SPTLC2: variants seen among roughly 807,000 people sequenced by gnomAD.
SPTLC2 encodes the protein serine palmitoyltransferase long chain base subunit 2.
Under a neutral mutation model 62.0 loss-of-function variants are expected in SPTLC2, and 21 were observed. The ratio of observed to expected loss-of-function variants is 0.34; its 90% CI spans 0.24 to 0.49. The LOEUF (loss-of-function observed/expected upper bound fraction) is 0.49, where lower values mean the gene tolerates loss of function less well. Among genes scored for constraint, SPTLC2 ranks in the 20% least tolerant of loss-of-function variants. The pLI is 0.99. For synonymous variants in SPTLC2, 261 were observed against 261.8 expected, an observed-to-expected ratio of 1.00 and a Z score of 0.03; for missense variants, 511 against 713.0, an observed-to-expected ratio of 0.72 and a Z score of 3.23.
intron 2 of SPTLC2, among the ~76,000 whole-genome samples, chr14:77,595,629 G>T (rs1255616905): frequency 1.3e-5 from 2 of 152,146 alleles, no homozygotes; most frequent in Non-Finnish European, 2.9e-5. Flanking sequence ...TTGAATCCAT[G>T]TATCTACTGA....
intron 5 of SPTLC2, among the ~76,000 whole-genome samples, chr14:77,569,462 A>C (rs984346321): frequency 9.9e-5 from 15 of 152,118 alleles, no homozygotes; most frequent in African/African-American, 3.4e-4. Context: ...CTTTAGAGTT[A>C]ATCTAGCTCA....
chr14:77,576,770 T>C lies in SPTLC2; in HGVS notation c.628A>G (p.Ile210Val), dbSNP rs761533653. 5 of 1,614,150 alleles carry C rather than the reference T, an allele frequency of 3.1e-6. No homozygotes were observed. The highest frequency in any genetic ancestry group is 4.2e-6 in the Non-Finnish European group (5 of 1,180,022). ...GCCAAATACAGCTTTCACTTACCAA[T>C]TTCCTGCCGAGTACTGCACACTCCA... ...GAGVCSTRQE[I>V]GNLDKHEELE... Residue 210 changes from isoleucine (I) to valine (V), a missense_variant, in exon 4 of 12, where the codon ATT (isoleucine) becomes GTT (valine). Ile to Val is a conservative substitution (Grantham distance 29). Transcript: ENST00000216484.
At chr14:77,536,119 T>C (rs1397515929) in intron 9 of SPTLC2, 1 of 363,092 alleles carries the variant, frequency 2.8e-6, no homozygotes, top group African/African-American at 2.2e-5. Flanking sequence ...AGAGCCTAGA[T>C]TTTGAAATGC....
At chr14:77,553,231 G>T (rs560139387) in intron 8 of SPTLC2, among the ~76,000 whole-genome samples, 1 of 152,000 alleles carries the variant, frequency 6.6e-6, no homozygotes, top group Non-Finnish European at 1.5e-5. Context: ...AAATTAGGGG[G>T]ACACAAATGT....
At chr14:77,555,794 T>C (rs1381304152) in intron 7 of SPTLC2, among the ~76,000 whole-genome samples, 3 of 152,056 alleles carry the variant, frequency 2.0e-5, no homozygotes, top group Non-Finnish European at 2.9e-5. Flanking sequence ...AATGTTTGTA[T>C]TTTTAGTAGA....
In SPTLC2 at chr14:77,597,895, G is replaced by A. The variant is rs142820123; in HGVS notation, c.133-515C>T. Reference sequence around the variant, plus strand: ...TCCCAGCACTTTGGGAGGCCGAGGCGGACGAATCACCTGAGGTTGGGAGTT... The same window carrying A: ...TCCCAGCACTTTGGGAGGCCGAGGCAGACGAATCACCTGAGGTTGGGAGTT... On this transcript the variant is annotated intron_variant, in intron 1 of 11. Transcript: ENST00000216484. 4.6e-3 allele frequency among the ~76,000 whole-genome samples: 701 copies of A among 151,600 alleles called. 4 individuals carry two copies. The highest frequency in any genetic ancestry group is 0.016 in the African/African-American group (660 of 41,344).
At chr14:77,546,502 A>T (rs1052280030) in intron 9 of SPTLC2, among the ~76,000 whole-genome samples, 1 of 152,164 alleles carries the variant, frequency 6.6e-6, no homozygotes, top group Non-Finnish European at 1.5e-5. Flanking sequence ...TGAGTGAAGG[A>T]GGAGGTTGTA....
chr14:77,512,453 G>C lies in SPTLC2; in HGVS notation c.1570-50C>G, dbSNP rs1275081925. 1.9e-6 allele frequency: 3 copies of C among 1,613,672 alleles called. No homozygotes were observed. In the African/African-American group the frequency reaches 4.0e-5, roughly 22 times the overall value. On this transcript the variant is annotated intron_variant, in intron 11 of 11. Transcript: ENST00000216484. ...GGTCTGTCAGAGCCAGTAGGATGCA[G>C]GCATGCCTGGTGTTTTACTTTGCTA...
At chr14:77,527,404 T>C (rs2079414576) in intron 9 of SPTLC2, among the ~76,000 whole-genome samples, 1 of 151,956 alleles carries the variant, frequency 6.6e-6, no homozygotes, top group South Asian at 2.1e-4. Context: ...GGATGGAGGG[T>C]AGAGGTTGAA....
chr14:77,536,266 C>T (rs531388718), intron 9 of SPTLC2, among the ~76,000 whole-genome samples: 8 of 141,452 alleles, frequency 5.7e-5, no homozygotes, highest in Non-Finnish European at 9.5e-5. Context: ...TGAATTGTAC[C>T]GAAAAATGAT....
chr14:77,561,819 A>G (rs905892660), intron 6 of SPTLC2, among the ~76,000 whole-genome samples: 20 of 152,226 alleles, frequency 1.3e-4, no homozygotes, highest in African/African-American at 3.6e-4. Context: ...ATTTTGGGAA[A>G]AGATGCTATT....
intron 2 of SPTLC2, among the ~76,000 whole-genome samples, chr14:77,589,695 C>T (rs187918040): frequency 1.3e-5 from 2 of 151,966 alleles, no homozygotes; most frequent in East Asian, 3.9e-4. Flanking sequence ...GAGACTGAGG[C>T]AGAAGAATCG....
chr14:77,542,062 G>A (rs1298913652), intron 9 of SPTLC2, among the ~76,000 whole-genome samples: 1 of 105,520 alleles, frequency 9.5e-6, no homozygotes, highest in Non-Finnish European at 1.9e-5. Context: ...CTCTGTGTCC[G>A]GAAAAAAAAA....
At chr14:77,545,891 C>G (rs1307674590) in intron 9 of SPTLC2, among the ~76,000 whole-genome samples, 1 of 152,118 alleles carries the variant, frequency 6.6e-6, no homozygotes. Context: ...AAAAAGATAG[C>G]AGTGGAATAA....
chr14:77,552,970 GT>G (rs2079563681), intron 8 of SPTLC2, among the ~76,000 whole-genome samples: 1 of 151,976 alleles, frequency 6.6e-6, no homozygotes, highest in East Asian at 1.9e-4. Context: ...CTAAATAACA[GT>G]TCTCTAACAT....
chr14:77,547,874 CTTTTTTTTTTTTTT>C (rs61406879), intron 9 of SPTLC2: 3 of 86,840 alleles, frequency 3.5e-5, no homozygotes, highest in South Asian at 5.0e-4. Context: ...CCTGGAATGT[CTTTTTTTTTTTTTT>C]TTTTTTTTTT....
At chr14:77,565,696 G>A (rs1172368071) in intron 5 of SPTLC2, among the ~76,000 whole-genome samples, 3 of 152,212 alleles carry the variant, frequency 2.0e-5, no homozygotes, top group African/African-American at 4.8e-5. Context: ...AGGAGACTGA[G>A]GAGCTACAAC....
At chr14:77,535,432 T>C (rs1344631445) in intron 9 of SPTLC2, among the ~76,000 whole-genome samples, 2 of 151,786 alleles carry the variant, frequency 1.3e-5, no homozygotes, top group African/African-American at 4.8e-5. Context: ...ATAGATATGA[T>C]CTCCCATCAG....
At position 77,578,243 on chromosome 14, in the gene SPTLC2, T is replaced by A. The variant is rs560059923; in HGVS notation, c.482+712A>T. Among the ~76,000 whole-genome samples, 8 of 152,248 alleles carry A rather than the reference T, an allele frequency of 5.3e-5. No homozygotes were observed. The South Asian group carries it at 1.0e-3, about 20-fold the overall frequency. On this transcript the variant is annotated intron_variant, in intron 3 of 11. Transcript: ENST00000216484. Reference sequence around the variant, plus strand: ...CATGTAAGTAAAAACACTCTACATATCATCCTTAAATCATTTGAGAAATCA... The same window carrying A: ...CATGTAAGTAAAAACACTCTACATAACATCCTTAAATCATTTGAGAAATCA...
Sources: allele counts gnomAD v4.1 joint callset (sites outside exome capture counted in the v4.1 genomes callset), GRCh38; gene constraint gnomAD v4.1.1; transcripts MANE v1.5; gene names NCBI Gene and HGNC (gene_info 2026-07-23, HGNC 2026-07-21).